The following PHACTR1 variants were observed in gnomAD, a reference collection of about 807,000 sequenced individuals.
PHACTR1 encodes RPEL repeat containing 1.
A neutral mutation model predicts 69.2 loss-of-function variants in PHACTR1; 16 were observed. The observed-to-expected ratio is 0.23, with a 90% CI of 0.16 to 0.35. PHACTR1 has a LOEUF of 0.35. Among genes scored for constraint, PHACTR1 ranks in the 10% least tolerant of loss-of-function variants. PHACTR1 has a pLI of 1.00. For missense variants in PHACTR1, 510 were observed against 734.7 expected, an observed-to-expected ratio of 0.69 and a Z score of 3.54; for synonymous variants, 312 against 284.5, an observed-to-expected ratio of 1.10 and a Z score of -0.97.
At chr6:13,131,215 AC>A (rs1561872989) in intron 5 of PHACTR1, among the ~76,000 whole-genome samples, 1 of 31,018 alleles carries the variant, frequency 3.2e-5, no homozygotes, top group Non-Finnish European at 1.0e-4. Context: ...ACATACACAC[AC>A]ACACACACAC....
At chr6:12,935,335 C>G (rs75924676) in intron 4 of PHACTR1, among the ~76,000 whole-genome samples, 2,150 of 152,206 alleles carry the variant, frequency 0.014, 53 homozygotes, top group South Asian at 0.11. Context: ...CCTCTCCCTC[C>G]CTGATTCAAG....
chr6:12,734,493 C>T (rs1763986154), intron 3 of PHACTR1, among the ~76,000 whole-genome samples: 1 of 152,158 alleles, frequency 6.6e-6, no homozygotes, highest in Admixed American at 6.5e-5. Flanking sequence ...AAGTGACCTG[C>T]ATGAAATCAT....
At chr6:12,992,221 ATT>A (rs1796900566) in intron 4 of PHACTR1, among the ~76,000 whole-genome samples, 1 of 152,338 alleles carries the variant, frequency 6.6e-6, no homozygotes, top group Admixed American at 6.5e-5. Flanking sequence ...CTGTAAATAA[ATT>A]GAAAATGAAG....
rs769418471 is a variant in PHACTR1, at chr6:12,933,755, A to G, written c.251-119610A>G. On this transcript the variant is annotated intron_variant, in intron 4 of 14. Coordinates refer to ENST00000332995, the MANE Select transcript of PHACTR1 (RefSeq NM_030948.6). ...CCACGGCCTCCTGAAGACAGCCCCT[A>G]CATACACTACATCAGCCCACATCTG... 5 of 1,612,838 alleles carry G rather than the reference A, an allele frequency of 3.1e-6. No homozygotes were observed. The East Asian group carries it at 8.9e-5, about 29-fold the overall frequency.
chr6:12,921,674 G>A (rs1012031840), intron 4 of PHACTR1, among the ~76,000 whole-genome samples: 2 of 136,514 alleles, frequency 1.5e-5, no homozygotes, highest in Non-Finnish European at 3.2e-5. Flanking sequence ...AGGAGGGAAA[G>A]GAAGAAGGAG....
intron 8 of PHACTR1, among the ~76,000 whole-genome samples, chr6:13,216,135 C>G (rs997425128): frequency 3.9e-5 from 6 of 152,130 alleles, no homozygotes; most frequent in African/African-American, 1.4e-4. Context: ...TCAGTAGACC[C>G]TCAAATCCCT....
chr6:12,935,262 A>T (rs1335964469), intron 4 of PHACTR1, among the ~76,000 whole-genome samples: 1 of 152,024 alleles, frequency 6.6e-6, no homozygotes, highest in Non-Finnish European at 1.5e-5. Context: ...TTATTTTTTT[A>T]AGACCGAGTC....
intron 4 of PHACTR1, among the ~76,000 whole-genome samples, chr6:13,001,162 G>C (rs1179732123): frequency 6.6e-6 from 1 of 152,200 alleles, no homozygotes; most frequent in Non-Finnish European, 1.5e-5. Flanking sequence ...GATAAATAAA[G>C]ACAGGTGTTT....
chr6:13,237,981 G>C (rs1367199934), intron 10 of PHACTR1, among the ~76,000 whole-genome samples: 1 of 152,212 alleles, frequency 6.6e-6, no homozygotes, highest in Non-Finnish European at 1.5e-5. Context: ...TGAGGTGCAT[G>C]ACTTTACTTA....
At chr6:12,722,628 G>A (rs1210230003) in intron 3 of PHACTR1, among the ~76,000 whole-genome samples, 1 of 152,164 alleles carries the variant, frequency 6.6e-6, no homozygotes, top group East Asian at 1.9e-4. Flanking sequence ...ATTTTCAAAG[G>A]TGCCTGATCT....
chr6:13,003,883 C>T (rs1405876988), intron 4 of PHACTR1, among the ~76,000 whole-genome samples: 1 of 148,190 alleles, frequency 6.7e-6, no homozygotes, highest in Non-Finnish European at 1.5e-5. Context: ...AAGAGAATGG[C>T]CTGTGGTTCC....
At chr6:13,197,221 C>T (rs1764564139) in intron 7 of PHACTR1, among the ~76,000 whole-genome samples, 2 of 152,212 alleles carry the variant, frequency 1.3e-5, no homozygotes, top group South Asian at 4.1e-4. Context: ...ACTTTATACT[C>T]AGGCCTTCTG....
intron 5 of PHACTR1, among the ~76,000 whole-genome samples, chr6:13,153,724 C>A (rs1757779228): frequency 6.6e-6 from 1 of 152,174 alleles, no homozygotes; most frequent in African/African-American, 2.4e-5. Flanking sequence ...ACCTTCTAAG[C>A]CACATATTCA....
chr6:13,239,095 G>A (rs896809386), intron 10 of PHACTR1, among the ~76,000 whole-genome samples: 14 of 152,102 alleles, frequency 9.2e-5, no homozygotes, highest in East Asian at 1.9e-4. Context: ...GGAGAGAAAC[G>A]GAAAGACCGC....
At chr6:12,990,139 A>G (rs1796651617) in intron 4 of PHACTR1, among the ~76,000 whole-genome samples, 2 of 152,298 alleles carry the variant, frequency 1.3e-5, no homozygotes, top group South Asian at 4.1e-4. Context: ...ACAGTTTTCT[A>G]AGGTCTTATG....
chr6:13,231,018 G>GA (rs1770826895), intron 10 of PHACTR1, among the ~76,000 whole-genome samples: 2 of 77,192 alleles, frequency 2.6e-5, no homozygotes, highest in Admixed American at 3.5e-4. Context: ...AGAGAGAGAA[G>GA]GAAAGAAAGA....
At chr6:13,154,417 C>T (rs1378776841) in intron 5 of PHACTR1, among the ~76,000 whole-genome samples, 3 of 152,166 alleles carry the variant, frequency 2.0e-5, no homozygotes, top group African/African-American at 4.8e-5. Context: ...CTCAACCTCC[C>T]AAAGTGCTGA....
At chr6:12,866,691 C>T (rs1344848307) in intron 4 of PHACTR1, among the ~76,000 whole-genome samples, 1 of 152,142 alleles carries the variant, frequency 6.6e-6, no homozygotes, top group Non-Finnish European at 1.5e-5. Flanking sequence ...CTGCAGGGTG[C>T]CCAGCTTCCC....
chr6:12,832,635 A>C (rs1777709230), intron 4 of PHACTR1, among the ~76,000 whole-genome samples: 1 of 152,162 alleles, frequency 6.6e-6, no homozygotes, highest in Non-Finnish European at 1.5e-5. Context: ...AAAGCAAGCA[A>C]AATTGGAATG....
Sources: allele counts gnomAD v4.1 joint callset (sites outside exome capture counted in the v4.1 genomes callset), GRCh38; gene constraint gnomAD v4.1.1; transcripts MANE v1.5; gene names NCBI Gene and HGNC (gene_info 2026-07-23, HGNC 2026-07-21).